SDK1: variants seen among roughly 807,000 people sequenced by gnomAD.
The protein encoded by SDK1 is sidekick cell adhesion molecule 1.
In SDK1, 157 loss-of-function variants were observed where a neutral mutation model predicts 245.5. The observed-to-expected ratio is 0.64, with a 90% CI of 0.56 to 0.73. The LOEUF is 0.73. SDK1 is among the 30% of genes least tolerant of loss of function. SDK1 has a pLI of 0.00. For missense variants in SDK1, 3,583 were observed against 3,002.3 expected, an observed-to-expected ratio of 1.19 and a Z score of -4.52; for synonymous variants, 1,647 against 1,278.5, an observed-to-expected ratio of 1.29 and a Z score of -6.15.
At chr7:3,549,096 A>G (rs571957229) in intron 1 of SDK1, among the ~76,000 whole-genome samples, 1 of 152,352 alleles carries the variant, frequency 6.6e-6, no homozygotes, top group African/African-American at 2.4e-5. Context: ...ATTCAATGTA[A>G]GTGCAGCATA....
chr7:4,186,942 C>A (rs562558252), intron 35 of SDK1, among the ~76,000 whole-genome samples: 46 of 152,260 alleles, frequency 3.0e-4, no homozygotes, highest in African/African-American at 9.1e-4. Flanking sequence ...GATTGCCACC[C>A]CTGGCATCTG....
intron 1 of SDK1, among the ~76,000 whole-genome samples, chr7:3,584,700 C>A (rs1008246731): frequency 6.6e-6 from 1 of 151,148 alleles, no homozygotes; most frequent in African/African-American, 2.4e-5. Context: ...TGTGCCCTTG[C>A]TGAAATTGGG....
intron 1 of SDK1, among the ~76,000 whole-genome samples, chr7:3,447,279 C>T (rs1780368249): frequency 6.6e-6 from 1 of 152,100 alleles, no homozygotes; most frequent in Admixed American, 6.5e-5. Context: ...GAATGATTAA[C>T]ATATTGTGAA....
intron 18 of SDK1, among the ~76,000 whole-genome samples, chr7:4,050,479 A>C (rs1370586519): frequency 6.6e-6 from 1 of 152,224 alleles, no homozygotes; most frequent in Non-Finnish European, 1.5e-5. Flanking sequence ...CTTCGCTGTC[A>C]GTTTGATCTG....
chr7:4,230,964 CAA>C (rs1785722521), intron 40 of SDK1, among the ~76,000 whole-genome samples: 1 of 152,088 alleles, frequency 6.6e-6, no homozygotes, highest in South Asian at 2.1e-4. Flanking sequence ...AGGGTCTGAT[CAA>C]AGAGTAGACC....
At chr7:3,797,561 C>G (rs547709956) in intron 4 of SDK1, among the ~76,000 whole-genome samples, 178 of 151,712 alleles carry the variant, frequency 1.2e-3, no homozygotes, top group African/African-American at 4.2e-3. Flanking sequence ...TGTTTTCATA[C>G]TTAATACCTA....
intron 1 of SDK1, among the ~76,000 whole-genome samples, chr7:3,480,945 T>A (rs1731890315): frequency 6.6e-6 from 1 of 152,248 alleles, no homozygotes; most frequent in Non-Finnish European, 1.5e-5. Flanking sequence ...TCTGTTGGTA[T>A]CCTTGTGTTT....
intron 4 of SDK1, among the ~76,000 whole-genome samples, chr7:3,715,504 C>T (rs975572514): frequency 1.3e-5 from 2 of 152,032 alleles, no homozygotes; most frequent in Non-Finnish European, 2.9e-5. Context: ...TGCAGGGAAG[C>T]CCAGGGAAGT....
chr7:3,840,268 AG>A (rs1166730009), intron 5 of SDK1, among the ~76,000 whole-genome samples: 17 of 152,298 alleles, frequency 1.1e-4, no homozygotes, highest in African/African-American at 4.1e-4. Flanking sequence ...GCGGAAGAGG[AG>A]GGGGAGAAGA....
intron 5 of SDK1, among the ~76,000 whole-genome samples, chr7:3,893,309 G>A (rs765668626): frequency 1.3e-5 from 2 of 152,102 alleles, no homozygotes; most frequent in Admixed American, 6.6e-5. Context: ...GGTCTGAATC[G>A]CACTGTCTGC....
chr7:3,541,542 T>C (rs1779053036), intron 1 of SDK1, among the ~76,000 whole-genome samples: 1 of 152,222 alleles, frequency 6.6e-6, no homozygotes, highest in South Asian at 2.1e-4. Flanking sequence ...AGTCCTTCTG[T>C]AGAGATCCCT....
At chr7:3,825,088 C>G (rs1431939896) in intron 5 of SDK1, among the ~76,000 whole-genome samples, 1 of 152,074 alleles carries the variant, frequency 6.6e-6, no homozygotes, top group Non-Finnish European at 1.5e-5. Flanking sequence ...ACTGTTGAAG[C>G]ATCCTGCATG....
At chr7:4,148,889 C>T (rs971366490) in intron 29 of SDK1, among the ~76,000 whole-genome samples, 1 of 152,180 alleles carries the variant, frequency 6.6e-6, no homozygotes, top group Non-Finnish European at 1.5e-5. Context: ...AACCCTGTCT[C>T]TACTAAAAAT....
chr7:4,111,946 C>G (rs1254510906), intron 23 of SDK1, among the ~76,000 whole-genome samples: 1 of 152,178 alleles, frequency 6.6e-6, no homozygotes. Context: ...CGGAGATCAT[C>G]TGATTTGCTG....
At chr7:3,975,659 T>G (rs1386087380) in intron 13 of SDK1, among the ~76,000 whole-genome samples, 1 of 152,242 alleles carries the variant, frequency 6.6e-6, no homozygotes, top group Non-Finnish European at 1.5e-5. Flanking sequence ...CTGTAGTCCC[T>G]ATTTGTGGAT....
chr7:3,969,082 G>C (rs975113921), intron 10 of SDK1, among the ~76,000 whole-genome samples, 175 bp from the exon 11 acceptor site: 3 of 152,202 alleles, frequency 2.0e-5, no homozygotes, highest in African/African-American at 7.2e-5. Context: ...ACCACCCTCA[G>C]GATCCAGTCA....
intron 1 of SDK1, among the ~76,000 whole-genome samples, chr7:3,473,480 G>A (rs866228721): frequency 6.6e-5 from 10 of 152,110 alleles, no homozygotes; most frequent in Non-Finnish European, 4.4e-5. Flanking sequence ...AAAAGTCTAG[G>A]CTGGTTTAAA....
chr7:4,244,590 G>A (rs976512298), intron 43 of SDK1, among the ~76,000 whole-genome samples: 1 of 152,212 alleles, frequency 6.6e-6, no homozygotes, highest in Non-Finnish European at 1.5e-5. Flanking sequence ...CATGGCAAAT[G>A]ATCACAAGTT....
Position 4,221,341 on chromosome 7 carries a change from A to G in SDK1, c.5804A>G (p.Tyr1935Cys). Residue 1935 changes from tyrosine (Y) to cysteine (C), a missense_variant, in exon 40 of 45, where the codon TAT (tyrosine) becomes TGT (cysteine). Physicochemically the swap from Tyr to Cys is radical, Grantham distance 194 (BLOSUM62 -2). Coordinates refer to ENST00000404826, the MANE Select transcript of SDK1 (RefSeq NM_152744.4). ...GHSGDTPTTG[Y>C]VIEARPSDEG... is the part of the protein sequence containing the mutation. ...TCTGGCGACACACCTACCACGGGCT[A>G]TGTGATCGAGGCCCGGCCCTCAGGT... is the stretch of plus-strand genomic sequence containing the variant. 1 of 1,611,664 alleles carries G rather than the reference A, an allele frequency of 6.2e-7. No homozygotes were observed. The highest frequency in any genetic ancestry group is 8.5e-7 in the Non-Finnish European group (1 of 1,179,082).
Sources: gnomAD v4.1 joint callset for allele counts (sites outside exome capture counted in the v4.1 genomes callset) on GRCh38, gnomAD v4.1.1 for gene constraint, MANE v1.5 for transcripts, NCBI Gene and HGNC (gene_info 2026-07-23, HGNC 2026-07-21) for gene names.